KCNMA1: variants seen among roughly 807,000 people sequenced by gnomAD.
KCNMA1 encodes the protein potassium calcium-activated channel subfamily M alpha 1, also known as Calcium-activated potassium channel subunit alpha-1.
Under a neutral mutation model 140.0 loss-of-function variants are expected in KCNMA1, and 29 were observed. The observed-to-expected ratio is 0.21, with a 90% confidence interval of 0.15 to 0.28. KCNMA1 has a LOEUF of 0.28. KCNMA1 is among the 10% of genes least tolerant of loss of function. The pLI, the probability that KCNMA1 is intolerant of heterozygous loss-of-function variation, is 1.00. For missense variants in KCNMA1, 880 were observed against 1,602.2 expected, an observed-to-expected ratio of 0.55 and a Z score of 7.70; for synonymous variants, 612 against 611.9, an observed-to-expected ratio of 1.00 and a Z score of 0.00.
intron 14 of KCNMA1, among the ~76,000 whole-genome samples, chr10:77,070,611 G>A (rs938259639): frequency 3.3e-5 from 5 of 152,216 alleles, no homozygotes; most frequent in African/African-American, 9.6e-5. Context: ...CATAGGATAC[G>A]GAGGTCATTG....
intron 3 of KCNMA1, among the ~76,000 whole-genome samples, chr10:77,242,858 T>G (rs1038657282): frequency 6.6e-6 from 1 of 151,376 alleles, no homozygotes; most frequent in African/African-American, 2.4e-5. Flanking sequence ...CCCCATGCTC[T>G]TCTTCTCCAC....
At chr10:77,428,979 C>T (rs1471487228) in intron 1 of KCNMA1, among the ~76,000 whole-genome samples, 1 of 152,142 alleles carries the variant, frequency 6.6e-6, no homozygotes, top group Admixed American at 6.5e-5. Context: ...GAAAGGGAGA[C>T]TAAATGTTCT....
At chr10:77,099,874 T>C (rs1212696282) in intron 9 of KCNMA1, among the ~76,000 whole-genome samples, 1 of 152,168 alleles carries the variant, frequency 6.6e-6, no homozygotes, top group Non-Finnish European at 1.5e-5. Flanking sequence ...CCTCTTTTAC[T>C]GGGTCTGTAA....
At chr10:77,634,780 AACACACACACAC>A (rs57378692) in intron 1 of KCNMA1, 13 of 154,024 alleles carry the variant, frequency 8.4e-5, no homozygotes, top group East Asian at 2.0e-4. Flanking sequence ...AAAAAAGACA[AACACACACACAC>A]ACACACACAC....
chr10:77,176,904 T>G (rs1310628734), intron 5 of KCNMA1, among the ~76,000 whole-genome samples: 1 of 152,088 alleles, frequency 6.6e-6, no homozygotes, highest in African/African-American at 2.4e-5. Flanking sequence ...GGGAAGAGTA[T>G]CCTGGAGTAT....
intron 3 of KCNMA1, among the ~76,000 whole-genome samples, chr10:77,207,919 C>T (rs757689295): frequency 3.3e-5 from 5 of 152,190 alleles, no homozygotes; most frequent in Admixed American, 6.5e-5. Context: ...GAAGAGCAAG[C>T]CAGGAATGAT....
chr10:77,091,064 T>G, intron 9 of KCNMA1: 1 of 164,698 alleles, frequency 6.1e-6, no homozygotes, highest in East Asian at 1.6e-4. Flanking sequence ...AAAGGAAATT[T>G]TGCATTTTTC....
chr10:77,008,924 T>C (rs1326382524), intron 18 of KCNMA1, among the ~76,000 whole-genome samples: 1 of 152,228 alleles, frequency 6.6e-6, no homozygotes, highest in Non-Finnish European at 1.5e-5. Flanking sequence ...AAACATCTTC[T>C]CCAATTTCCT....
chr10:77,235,402 A>G (rs1274617503), intron 3 of KCNMA1, among the ~76,000 whole-genome samples: 1 of 152,124 alleles, frequency 6.6e-6, no homozygotes, highest in East Asian at 1.9e-4. Context: ...TCTCCTTACT[A>G]AAGTTGTCAC....
chr10:77,214,248 C>A (rs2154178709), intron 3 of KCNMA1, among the ~76,000 whole-genome samples: 1 of 152,306 alleles, frequency 6.6e-6, no homozygotes, highest in South Asian at 2.1e-4. Context: ...CACTATTTCA[C>A]AGTTTTCCTT....
intron 22 of KCNMA1, among the ~76,000 whole-genome samples, chr10:76,947,301 C>T (rs181644724): frequency 7.2e-5 from 11 of 152,318 alleles, no homozygotes; most frequent in African/African-American, 2.6e-4. Context: ...CGTGCCATTG[C>T]ACTCCAGCCT....
intron 1 of KCNMA1, among the ~76,000 whole-genome samples, chr10:77,486,544 T>C (rs2098462874): frequency 6.6e-6 from 1 of 152,234 alleles, no homozygotes; most frequent in South Asian, 2.1e-4. Context: ...TCTTAACCTC[T>C]CTTGACCCTT....
chr10:76,872,467 C>T (rs1050843266), downstream of KCNMA1: 2 of 152,240 alleles, frequency 1.3e-5, no homozygotes, highest in Non-Finnish European at 2.9e-5. Flanking sequence ...TTGCTTAAAA[C>T]TCTGAGTGGC....
In KCNMA1 at chr10:76,931,281, T is replaced by C. The variant is rs1393804091; in HGVS notation, c.2902+13492A>G. On this transcript the variant is annotated intron_variant, in intron 23 of 27. Coordinates refer to ENST00000286628, the MANE Select transcript of KCNMA1 (RefSeq NM_001161352.2). Reference sequence around the variant, plus strand: ...CATCATGTTGTAAACCTTGAATATATACAACTTTTACTTGTCAGTTGTATT... The same window carrying C: ...CATCATGTTGTAAACCTTGAATATACACAACTTTTACTTGTCAGTTGTATT... 2.0e-5 allele frequency among the ~76,000 whole-genome samples: 3 copies of C among 152,280 alleles called. No individual in the cohort carries two copies. The East Asian group carries it at 5.8e-4, about 29-fold the overall frequency.
intron 1 of KCNMA1, among the ~76,000 whole-genome samples, chr10:77,584,235 C>A (rs1468136288): frequency 1.3e-5 from 2 of 152,234 alleles, no homozygotes; most frequent in African/African-American, 4.8e-5. Context: ...TTGGTATTCA[C>A]TACCCACTCG....
chr10:77,406,479 C>G (rs918418320), intron 1 of KCNMA1, among the ~76,000 whole-genome samples: 2 of 152,206 alleles, frequency 1.3e-5, no homozygotes, highest in Non-Finnish European at 2.9e-5. Context: ...GAGCGGGCAT[C>G]ATAAGCACAC....
At chr10:77,024,336 C>CA (rs759020042) in intron 16 of KCNMA1, among the ~76,000 whole-genome samples, 2 of 151,718 alleles carry the variant, frequency 1.3e-5, no homozygotes, top group Admixed American at 1.3e-4. Flanking sequence ...CACATGTACT[C>CA]AAAAAAACAA....
In KCNMA1 at chr10:76,891,680, G is replaced by A; in HGVS notation, c.3187C>T (p.Leu1063=). The A allele has an allele frequency of 6.2e-7, 1 of 1,614,098 alleles. No individual in the cohort carries two copies. The highest frequency in any genetic ancestry group is 2.2e-5 in the East Asian group (1 of 44,882). Residue 1063 remains leucine, a synonymous_variant, in exon 26 of 28, where the codon CTG becomes TTG. Transcript: ENST00000286628. ...NDNILTLIRT[L]VTGGATPELE... Reference sequence around the variant, plus strand: ...TCCGGCGTGGCTCCTCCGGTCACCAGGGTCCGTATCAGGGTGAGGATATTG... The same window carrying A: ...TCCGGCGTGGCTCCTCCGGTCACCAAGGTCCGTATCAGGGTGAGGATATTG...
chr10:77,498,240 A>C (rs2042630327), intron 1 of KCNMA1, among the ~76,000 whole-genome samples: 3 of 152,234 alleles, frequency 2.0e-5, no homozygotes, highest in Admixed American at 1.3e-4. Context: ...GTAGGGCTGA[A>C]CAGGGAGGTG....
Sources: allele counts gnomAD v4.1 joint callset (sites outside exome capture counted in the v4.1 genomes callset), GRCh38; gene constraint gnomAD v4.1.1; transcripts MANE v1.5; gene names NCBI Gene and HGNC (gene_info 2026-07-23, HGNC 2026-07-21).